Variants in ROBO2 observed in about 807,000 individuals in gnomAD.
ROBO2 encodes roundabout guidance receptor 2, also known as roundabout homolog 2.
Under a neutral mutation model 160.8 loss-of-function variants are expected in ROBO2, and 53 were observed. The ratio of observed to expected loss-of-function variants is 0.33; its 90% CI spans 0.26 to 0.41. The LOEUF is 0.41. Among genes scored for constraint, ROBO2 ranks in the 10% least tolerant of loss-of-function variants. The pLI is 1.00. For synonymous variants in ROBO2, 664 were observed against 611.7 expected, an observed-to-expected ratio of 1.09 and a Z score of -1.26; for missense variants, 1,577 against 1,722.4, an observed-to-expected ratio of 0.92 and a Z score of 1.49.
chr3:77,186,869 A>G (rs1238007828), intron 2 of ROBO2, among the ~76,000 whole-genome samples: 4 of 152,040 alleles, frequency 2.6e-5, no homozygotes, highest in Non-Finnish European at 5.9e-5. Flanking sequence ...TATTATTTAT[A>G]GATTGAACTG....
intron 1 of ROBO2, among the ~76,000 whole-genome samples, chr3:75,933,884 G>T (rs1947651720): frequency 6.6e-6 from 1 of 152,038 alleles, no homozygotes; most frequent in Admixed American, 6.5e-5. Context: ...TTTAATTCAG[G>T]ACTACCCTTC....
Position 76,985,575 on chromosome 3 carries a change from G to GAAAAAAAAAAAA in ROBO2, c.110-112420_110-112409dup, listed in dbSNP as rs532632866. 1.1e-4 allele frequency among the ~76,000 whole-genome samples: 3 copies of GAAAAAAAAAAAA among 26,360 alleles called. 1 individual carries two copies. Among genetic ancestry groups the GAAAAAAAAAAAA allele is most frequent in the African/African-American group, 1.5e-4 (1 of 6,620 alleles). 17.3% of individuals were successfully genotyped at this position (26,360 alleles called of 152,430 possible). A position where few individuals can be genotyped will look rare whatever the true frequency, so the allele number is the denominator to read the frequency against. On this transcript the variant is annotated intron_variant, in intron 2 of 26. Transcript: ENST00000487694. ...TGGGCGACAAAGCGAGACTCCGTCTGAAAAAAAAAAAAAAAAAAAAAAAAA... is the reference window on the plus strand; with the variant it reads ...TGGGCGACAAAGCGAGACTCCGTCTGAAAAAAAAAAAAAAAAAAAAAAAAAAAAAAAAAAAAA...
At chr3:76,002,476 G>C (rs1036215804) in intron 2 of ROBO2, among the ~76,000 whole-genome samples, 15 of 151,936 alleles carry the variant, frequency 9.9e-5, no homozygotes, top group Non-Finnish European at 1.9e-4. Context: ...GAATCACGGG[G>C]GCAGTTTCCC....
At chr3:75,913,982 A>G (rs1360152852) in intron 1 of ROBO2, among the ~76,000 whole-genome samples, 2 of 152,304 alleles carry the variant, frequency 1.3e-5, no homozygotes, top group African/African-American at 2.4e-5. Context: ...TCTGTAACCT[A>G]GAAGAGGATC....
chr3:76,293,548 T>C (rs993141440), intron 2 of ROBO2, among the ~76,000 whole-genome samples: 3 of 152,136 alleles, frequency 2.0e-5, no homozygotes, highest in Non-Finnish European at 1.5e-5. Context: ...AAAATAAGAA[T>C]GAGCAGAACA....
At chr3:76,829,008 AC>A (rs1339365676) in intron 2 of ROBO2, among the ~76,000 whole-genome samples, 1 of 152,056 alleles carries the variant, frequency 6.6e-6, no homozygotes, top group East Asian at 1.9e-4. Flanking sequence ...CTTCTGGTCT[AC>A]ATCCATGATT....
chr3:77,385,687 G>A (rs946597715), intron 2 of ROBO2, among the ~76,000 whole-genome samples: 10 of 152,062 alleles, frequency 6.6e-5, no homozygotes, highest in Non-Finnish European at 1.2e-4. Flanking sequence ...AGGTCTTTGG[G>A]ATGAATTCCT....
chr3:76,876,679 A>G (rs567240067), intron 2 of ROBO2, among the ~76,000 whole-genome samples: 2 of 149,840 alleles, frequency 1.3e-5, no homozygotes, highest in Admixed American at 6.6e-5. Context: ...TGTCTCAAGA[A>G]AAAAAAAAAA....
intron 2 of ROBO2, among the ~76,000 whole-genome samples, chr3:76,523,637 C>G (rs1384191053): frequency 6.6e-6 from 1 of 152,092 alleles, no homozygotes; most frequent in African/African-American, 2.4e-5. Context: ...CACATTCTCT[C>G]ATTATCTCAC....
At chr3:77,461,667 T>C (rs2082257070) in intron 2 of ROBO2, among the ~76,000 whole-genome samples, 1 of 151,704 alleles carries the variant, frequency 6.6e-6, no homozygotes. Flanking sequence ...TAAGGAAATC[T>C]CTATGAAGTA....
At chr3:77,467,619 CTATCTATCTATCATCT>C (rs1275480517) in intron 2 of ROBO2, among the ~76,000 whole-genome samples, 2 of 150,344 alleles carry the variant, frequency 1.3e-5, no homozygotes, top group Non-Finnish European at 3.0e-5. Flanking sequence ...ATCTATCTAT[CTATCTATCTATCATCT>C]ATCTATCTAT....
intron 2 of ROBO2, among the ~76,000 whole-genome samples, chr3:77,359,061 TTTCTCAC>T (rs1227649040): frequency 6.6e-6 from 1 of 152,250 alleles, no homozygotes; most frequent in Admixed American, 6.5e-5. Flanking sequence ...ATTAGCTCTC[TTTCTCAC>T]CCTGACTTCC....
intron 2 of ROBO2, among the ~76,000 whole-genome samples, chr3:76,861,979 C>T (rs1203622924): frequency 1.3e-5 from 2 of 152,050 alleles, no homozygotes; most frequent in African/African-American, 4.8e-5. Context: ...CTCTGCTCTT[C>T]TTTTCTGAAA....
chr3:76,966,411 C>A (rs544060216), intron 2 of ROBO2, among the ~76,000 whole-genome samples: 139 of 152,256 alleles, frequency 9.1e-4, no homozygotes, highest in African/African-American at 3.2e-3. Flanking sequence ...TAGTTAAATA[C>A]AATTTCCCAA....
At chr3:77,489,260 G>A (rs2085770043) in intron 4 of ROBO2, among the ~76,000 whole-genome samples, 1 of 152,104 alleles carries the variant, frequency 6.6e-6, no homozygotes, top group Non-Finnish European at 1.5e-5. Context: ...GCTTTGATTT[G>A]TTTTTCTATC....
At chr3:77,311,487 C>G (rs1032367581) in intron 2 of ROBO2, among the ~76,000 whole-genome samples, 1 of 152,182 alleles carries the variant, frequency 6.6e-6, no homozygotes, top group Non-Finnish European at 1.5e-5. Flanking sequence ...CTAAGTTCAT[C>G]ATATCATCAT....
chr3:76,540,344 G>A, intron 2 of ROBO2, among the ~76,000 whole-genome samples: 1 of 152,172 alleles, frequency 6.6e-6, no homozygotes, highest in East Asian at 1.9e-4. Context: ...AAGTAGAGAA[G>A]TTTGAACTTA....
rs1396945227 is a variant in ROBO2, at chr3:77,532,600, C to T, written c.934+9698C>T. On this transcript the variant is annotated intron_variant, in intron 6 of 25. Coordinates refer to ENST00000461745, the Ensembl canonical transcript of ROBO2. ...GTCTCAATTTCACATTTATCAACTT[C>T]TCTATAATAATTTCAATCATTTTTA... 2.0e-5 allele frequency among the ~76,000 whole-genome samples: 3 copies of T among 151,762 alleles called. No homozygotes were observed. In the East Asian group the frequency reaches 5.8e-4, roughly 29 times the overall value.
chr3:76,233,252 C>T (rs955939808), intron 2 of ROBO2, among the ~76,000 whole-genome samples: 2 of 152,072 alleles, frequency 1.3e-5, no homozygotes, highest in Admixed American at 1.3e-4. Flanking sequence ...TCAAGCGATT[C>T]TCCTGCCTCA....
Sources: allele counts gnomAD v4.1 joint callset (sites outside exome capture counted in the v4.1 genomes callset), GRCh38; gene constraint gnomAD v4.1.1; transcripts MANE v1.5; gene names NCBI Gene and HGNC (gene_info 2026-07-23, HGNC 2026-07-21).